The following UBE3D variants were observed in gnomAD, a reference collection of about 807,000 sequenced individuals.
The protein encoded by UBE3D is E3 ubiquitin-protein ligase E3D.
UBE3D carries 48 observed loss-of-function variants against 49.6 expected under a neutral mutation model. That is an observed-to-expected ratio of 0.97 (90% CI 0.77 to 1.23). The LOEUF is 1.23. UBE3D is among the 50% of genes most tolerant of loss of function. The pLI, the probability that UBE3D is intolerant of heterozygous loss-of-function variation, is 0.00. For missense variants in UBE3D, 452 were observed against 468.4 expected (o/e 0.96, Z 0.32); for synonymous variants, 189 against 174.2 (o/e 1.08, Z -0.67).
At chr6:82,906,109 T>C (rs891089703) in intron 9 of UBE3D, among the ~76,000 whole-genome samples, 1 of 152,178 alleles carries the variant, frequency 6.6e-6, no homozygotes, top group African/African-American at 2.4e-5. Context: ...ATCCTATCAG[T>C]GACCAAATTT....
intron 9 of UBE3D, among the ~76,000 whole-genome samples, chr6:82,914,734 G>T (rs916369254): frequency 6.6e-6 from 1 of 152,138 alleles, no homozygotes; most frequent in Admixed American, 6.5e-5. Flanking sequence ...ATTCTGCAAA[G>T]AGCCCCTTAT....
intron 8 of UBE3D, among the ~76,000 whole-genome samples, chr6:82,993,755 T>G (rs1020833793): frequency 2.0e-5 from 3 of 152,180 alleles, no homozygotes; most frequent in Non-Finnish European, 4.4e-5. Context: ...TTTTCCAACT[T>G]TGGTCCAATT....
chr6:82,952,537 A>G (rs1408263922), intron 9 of UBE3D, among the ~76,000 whole-genome samples: 1 of 151,916 alleles, frequency 6.6e-6, no homozygotes, highest in African/African-American at 2.4e-5. Context: ...CAATCCTCCT[A>G]CTTCAGCCTT....
At chr6:82,896,178 T>C (rs933200281) in intron 9 of UBE3D, among the ~76,000 whole-genome samples, 2 of 152,214 alleles carry the variant, frequency 1.3e-5, no homozygotes, top group Admixed American at 1.3e-4. Context: ...TTGTGTTCCC[T>C]ACCATTTATC....
At chr6:82,943,347 C>T (rs62430488) in intron 9 of UBE3D, among the ~76,000 whole-genome samples, 24,415 of 152,070 alleles carry the variant, frequency 0.16, 2,005 homozygotes, top group African/African-American at 0.17. Context: ...TCTTAAGAAC[C>T]GAAACTCAGC....
intron 8 of UBE3D, among the ~76,000 whole-genome samples, chr6:82,984,282 G>A (rs947376839): frequency 3.3e-5 from 5 of 151,788 alleles, no homozygotes; most frequent in Admixed American, 1.3e-4. Flanking sequence ...TAATTTATTC[G>A]GTCAGCACCC....
intron 8 of UBE3D, among the ~76,000 whole-genome samples, chr6:83,001,642 C>A (rs1779644368): frequency 6.6e-6 from 1 of 152,122 alleles, no homozygotes; most frequent in Admixed American, 6.5e-5. Flanking sequence ...GGAAGGACTA[C>A]AAGGAAAGGG....
chr6:82,967,697 A>T (rs2149534), intron 8 of UBE3D, among the ~76,000 whole-genome samples: 1 of 151,880 alleles, frequency 6.6e-6, no homozygotes, highest in South Asian at 2.1e-4. Context: ...GCTGGAGTGC[A>T]GTGGCGTGAT....
chr6:82,973,918 A>G (rs981030122), intron 8 of UBE3D, among the ~76,000 whole-genome samples: 4 of 152,116 alleles, frequency 2.6e-5, no homozygotes, highest in African/African-American at 9.7e-5. Flanking sequence ...CCAGGGATCT[A>G]GGTTGCGCAC....
chr6:83,024,660 C>T (rs138795402), intron 5 of UBE3D, among the ~76,000 whole-genome samples: 1 of 152,242 alleles, frequency 6.6e-6, no homozygotes, highest in African/African-American at 2.4e-5. Context: ...ACCCCATCCC[C>T]TACTCTAATT....
At chr6:82,979,147 G>A (rs1334410728) in intron 8 of UBE3D, among the ~76,000 whole-genome samples, 1 of 152,116 alleles carries the variant, frequency 6.6e-6, no homozygotes, top group African/African-American at 2.4e-5. Context: ...TTTTTTAAAA[G>A]AGCCCCAGTA....
intron 4 of UBE3D, among the ~76,000 whole-genome samples, chr6:83,042,541 T>G (rs367643333): frequency 6.6e-6 from 1 of 152,342 alleles, no homozygotes; most frequent in African/African-American, 2.4e-5. Flanking sequence ...AGTTGTGTAA[T>G]GAAGCAGCCT....
chr6:83,049,668 C>T (rs1003768106), intron 3 of UBE3D: 19 of 401,474 alleles, frequency 4.7e-5, no homozygotes, highest in African/African-American at 1.5e-4. Context: ...AGGGTCTCAA[C>T]GCCCTCATGA....
intron 9 of UBE3D, among the ~76,000 whole-genome samples, chr6:82,945,034 G>A (rs1317592542): frequency 1.3e-5 from 2 of 152,240 alleles, no homozygotes; most frequent in Non-Finnish European, 2.9e-5. Flanking sequence ...GTGGCCGGAG[G>A]AAATTGCCAC....
chr6:82,882,363 A>C, the UBE3D span, among the ~76,000 whole-genome samples: 1 of 152,212 alleles, frequency 6.6e-6, no homozygotes, highest in Non-Finnish European at 1.5e-5. Flanking sequence ...AAGTTTGGGA[A>C]ACCCCAAACA....
At chr6:83,023,930 A>T in intron 6 of UBE3D, 39 bp downstream of exon 6, 1 of 1,362,536 alleles carries the variant, frequency 7.3e-7, no homozygotes, top group Non-Finnish European at 1.0e-6. Context: ...GGGGAAAAAA[A>T]TAAATTACAA....
At chr6:82,890,895 C>T (rs917144017), downstream of UBE3D, among the ~76,000 whole-genome samples, 3 of 152,048 alleles carry the variant, frequency 2.0e-5, no homozygotes, top group Non-Finnish European at 4.4e-5. Context: ...TTGCTTTTTT[C>T]CAGAGGGAGA....
At chr6:82,972,133 C>T (rs1396527827) in intron 8 of UBE3D, among the ~76,000 whole-genome samples, 1 of 152,166 alleles carries the variant, frequency 6.6e-6, no homozygotes, top group Admixed American at 6.5e-5. Flanking sequence ...CATATGCAAC[C>T]ACAGAGTTCC....
chr6:82,978,037 A>C (rs1286578662), intron 8 of UBE3D, among the ~76,000 whole-genome samples: 1 of 151,944 alleles, frequency 6.6e-6, no homozygotes, highest in Non-Finnish European at 1.5e-5. Flanking sequence ...TCTCAGAAAC[A>C]ACCTCTCTCT....
Sources: allele counts gnomAD v4.1 joint callset (sites outside exome capture counted in the v4.1 genomes callset), GRCh38; gene constraint gnomAD v4.1.1; transcripts MANE v1.5; gene names NCBI Gene and HGNC (gene_info 2026-07-23, HGNC 2026-07-21).